The following STARD9 variants were observed in gnomAD, a reference collection of about 807,000 sequenced individuals.
STARD9 encodes stAR-related lipid transfer protein 9.
Under a neutral mutation model 399.8 loss-of-function variants are expected in STARD9, and 346 were observed. That is an observed-to-expected ratio of 0.87 (90% confidence interval 0.79 to 0.95). The LOEUF (loss-of-function observed/expected upper bound fraction) is 0.95, where lower values mean the gene tolerates loss of function less well. Ranked by LOEUF, STARD9 falls within the 40% of genes least tolerant of loss-of-function variation. The pLI is 0.00. For missense variants in STARD9, 5,832 were observed against 5,667.5 expected, an observed-to-expected ratio of 1.03 and a Z score of -0.93; for synonymous variants, 2,203 against 2,143.5, an observed-to-expected ratio of 1.03 and a Z score of -0.77.
rs2140428700 is a variant in STARD9, at chr15:42,718,286, C to T, written c.13762+107C>T. On this transcript the variant is annotated intron_variant, in intron 30 of 32. Transcript: ENST00000290607. ...GGTTGGAGGCAGCCCTCTTTGGAGG[C>T]CAGGTACTCAGGTTACCTTGATTGC... 5 of 1,263,010 alleles carry T rather than the reference C, an allele frequency of 4.0e-6. 1 individual carries two copies. The South Asian group carries it at 6.5e-5, about 16-fold the overall frequency. The allele number at this position is 1,263,010 out of a possible 1,614,324, so 78.2% of individuals were successfully genotyped here.
In STARD9 at chr15:42,718,063, C is replaced by T. The variant is rs1595837763; in HGVS notation, c.13646C>T (p.Ser4549Phe). The change falls in exon 30 of 33, where the codon TCC (serine) becomes TTC (phenylalanine). Residue 4549 changes from serine (S) to phenylalanine (F), a missense_variant. Transcript: ENST00000290607. ...RHGFLGAGVV[S>F]QPLSRVWAAV... ...GGCTTCCTGGGGGCAGGTGTGGTGT[C>T]CCAGCCGCTGTCTCGTGTGTGGGCG... 6.5e-7 allele frequency: 1 copy of T among 1,537,210 alleles called. No individual in the cohort carries two copies. Among genetic ancestry groups the T allele is most frequent in the Non-Finnish European group, 8.7e-7 (1 of 1,146,892 alleles).
chr15:42,701,163 A>G (rs910637956), intron 26 of STARD9, among the ~76,000 whole-genome samples: 2 of 152,280 alleles, frequency 1.3e-5, no homozygotes, highest in African/African-American at 2.4e-5. Context: ...ATAGCTTGGT[A>G]GTATTTTTTG....
intron 20 of STARD9, 68 bp downstream of exon 20, chr15:42,676,043 A>G: frequency 3.2e-6 from 1 of 309,142 alleles, no homozygotes; most frequent in Non-Finnish European, 6.5e-6. Context: ...GACAGCATGG[A>G]TCAGGGTGGG....
intron 3 of STARD9, among the ~76,000 whole-genome samples, chr15:42,626,318 T>C (rs969136751): frequency 2.0e-4 from 29 of 145,478 alleles, no homozygotes; most frequent in African/African-American, 6.0e-4. Context: ...CCTCTTCCTC[T>C]TCTTCCTCCT....
chr15:42,683,996 C>G, intron 22 of STARD9, 120 bp from the exon 23 acceptor site: 1 of 1,136,568 alleles, frequency 8.8e-7, no homozygotes, highest in African/African-American at 1.6e-5. Flanking sequence ...ACCTGGAGAG[C>G]TTTTCTCTGG....
intron 16 of STARD9, chr15:42,671,117 G>A (rs577825756): frequency 3.4e-5 from 5 of 147,828 alleles, no homozygotes; most frequent in South Asian, 4.4e-4. Flanking sequence ...TCTGAAGATA[G>A]GATTGCTGAT....
At chr15:42,674,624 T>C (rs2060272176) in intron 17 of STARD9, 133 bp downstream of exon 17, 1 of 1,201,138 alleles carries the variant, frequency 8.3e-7, no homozygotes, top group Non-Finnish European at 1.2e-6. Context: ...CTCTTTCTGC[T>C]GCTAGGTTTC....
At chr15:42,627,403 G>T (rs186987504) in intron 3 of STARD9, among the ~76,000 whole-genome samples, 1 of 152,146 alleles carries the variant, frequency 6.6e-6, no homozygotes, top group African/African-American at 2.4e-5. Context: ...CAGGGTAAAT[G>T]GGATATCCAT....
chr15:42,678,790 T>C (rs1595755763), intron 20 of STARD9, among the ~76,000 whole-genome samples: 2 of 152,218 alleles, frequency 1.3e-5, no homozygotes, highest in Non-Finnish European at 2.9e-5. Context: ...GGCTGGCAGG[T>C]AAATGAAGAC....
chr15:42,647,133 A>G (rs1421758414), intron 7 of STARD9, among the ~76,000 whole-genome samples: 1 of 152,248 alleles, frequency 6.6e-6, no homozygotes, highest in African/African-American at 2.4e-5. Context: ...TCAAATATGT[A>G]TAGCACAGTT....
At chr15:42,661,332 C>A in intron 10 of STARD9, 107 bp downstream of exon 10, 1 of 822,848 alleles carries the variant, frequency 1.2e-6, no homozygotes, top group Non-Finnish European at 1.9e-6. Context: ...GAGAGTATTA[C>A]AAAAGAAATA....
At chr15:42,589,832 C>T (rs2058359555) in intron 3 of STARD9, among the ~76,000 whole-genome samples, 1 of 151,596 alleles carries the variant, frequency 6.6e-6, no homozygotes, top group Non-Finnish European at 1.5e-5. Context: ...GTCTCAAACT[C>T]CTGACCTTGT....
At chr15:42,660,635 C>CA (rs1415600414) in intron 9 of STARD9, among the ~76,000 whole-genome samples, 1 of 147,412 alleles carries the variant, frequency 6.8e-6, no homozygotes, top group Admixed American at 6.8e-5. Flanking sequence ...AACAAAATAA[C>CA]AAAACCGACA....
At chr15:42,698,655 G>A (rs771185007) in intron 26 of STARD9, among the ~76,000 whole-genome samples, 16 of 151,992 alleles carry the variant, frequency 1.1e-4, no homozygotes, top group African/African-American at 1.5e-4. Context: ...ATATTTGTCC[G>A]TTTTCCTTTT....
At position 42,695,778 on chromosome 15, in the gene STARD9, C is replaced by T. The variant is rs1049324348; in HGVS notation, c.13182C>T (p.Ser4394=). ...EDKLHTLANS[S]SLCTSSNGSL... is the part of the protein sequence containing the mutation. ...AACTACATACCTTGGCCAATTCCAG[C>T]TCCCTGTGCACCAGCTCTAATGGAA... Residue 4394 remains serine (S), a synonymous_variant, in exon 26 of 33, where the codon AGC becomes AGT. Transcript: ENST00000290607. 2.6e-6 allele frequency: 4 copies of T among 1,537,136 alleles called. No individual in the cohort carries two copies. The highest frequency in any genetic ancestry group is 3.9e-5 in the Admixed American group (2 of 50,992).
chr15:42,635,014 C>A, intron 4 of STARD9, 42 bp downstream of exon 4: 1 of 1,159,552 alleles, frequency 8.6e-7, no homozygotes, highest in Non-Finnish European at 1.2e-6. Context: ...CCACAGCAAG[C>A]CTGAACCTTG....
chr15:42,594,607 C>T (rs998247472), intron 3 of STARD9, among the ~76,000 whole-genome samples: 4 of 152,094 alleles, frequency 2.6e-5, no homozygotes, highest in African/African-American at 9.7e-5. Context: ...GATTGAAGGT[C>T]TAGAGAGACA....
intron 20 of STARD9, among the ~76,000 whole-genome samples, chr15:42,680,896 C>T (rs1037640917): frequency 2.0e-5 from 3 of 152,140 alleles, no homozygotes; most frequent in Non-Finnish European, 4.4e-5. Flanking sequence ...CACACACAGG[C>T]GTGGTGTGTG....
At chr15:42,663,196 T>C in intron 11 of STARD9, 85 bp from the exon 12 acceptor site, 8 of 1,227,676 alleles carry the variant, frequency 6.5e-6, no homozygotes, top group Non-Finnish European at 9.0e-6. Flanking sequence ...GATACTTAAG[T>C]CTGTGTTCTC....
Sources: allele counts gnomAD v4.1 joint callset (sites outside exome capture counted in the v4.1 genomes callset), GRCh38; gene constraint gnomAD v4.1.1; transcripts MANE v1.5; gene names NCBI Gene and HGNC (gene_info 2026-07-23, HGNC 2026-07-21).